Variants in CENPS observed in about 807,000 individuals in gnomAD.
The protein encoded by CENPS is centromere protein S.
In CENPS, 16 loss-of-function variants were observed where a neutral mutation model predicts 17.9. The observed-to-expected ratio is 0.90, with a 90% CI of 0.61 to 1.36. The LOEUF (loss-of-function observed/expected upper bound fraction) is 1.36. CENPS is among the 40% of genes most tolerant of loss of function. CENPS has a pLI of 0.00. For synonymous variants in CENPS, 49 were observed against 55.8 expected (o/e 0.88, Z 0.54); for missense variants, 160 against 158.6 (o/e 1.01, Z -0.05).
chr1:10,435,304 C>T (rs746725360), intron 3 of CENPS, among the ~76,000 whole-genome samples: 13 of 152,118 alleles, frequency 8.5e-5, no homozygotes, highest in South Asian at 2.1e-4. Flanking sequence ...ATTTGAATGA[C>T]GAAGGCCTGA....
chr1:10,442,620 T>A lies in CENPS; in HGVS notation c.*215T>A. The stretch of plus-strand genomic sequence containing the variant: ...AAGTCTTAAGCAAAATACTCCCAGG[T>A]CTCACTCCAGAACATAAAAATGGTG... On this transcript the variant is annotated 3_prime_UTR_variant, in exon 5 of 5. Transcript: ENST00000309048. 8 of 701,270 alleles carry A rather than the reference T, an allele frequency of 1.1e-5. No homozygotes were observed. The highest frequency in any genetic ancestry group is 1.6e-5 in the Non-Finnish European group (8 of 504,114). 43.4% of individuals were successfully genotyped at this position (701,270 alleles called of 1,614,324 possible). A position where few individuals can be genotyped will look rare whatever the true frequency, so the allele number is the denominator to read the frequency against.
intron 3 of CENPS, among the ~76,000 whole-genome samples, chr1:10,437,227 C>T: frequency 6.6e-6 from 1 of 152,062 alleles, no homozygotes; most frequent in Non-Finnish European, 1.5e-5. Flanking sequence ...AGGATCATAG[C>T]TCACTGCAAC....
chr1:10,442,120 C>T, intron 4 of CENPS, 145 bp from the exon 5 acceptor site: 2 of 1,101,176 alleles, frequency 1.8e-6, no homozygotes, highest in African/African-American at 3.3e-5. Flanking sequence ...GCGTTTAATT[C>T]TTAGAAATGT....
At chr1:10,431,859 A>G (rs2124245293) in intron 1 of CENPS, among the ~76,000 whole-genome samples, 1 of 151,542 alleles carries the variant, frequency 6.6e-6, no homozygotes, top group African/African-American at 2.4e-5. Context: ...ATCTCAGAAA[A>G]AAAAAAAAAA....
chr1:10,442,091 GAA>G (rs58692231), intron 4 of CENPS, among the ~76,000 whole-genome samples, 172 bp from the exon 5 acceptor site: 2 of 150,480 alleles, frequency 1.3e-5, no homozygotes, highest in Non-Finnish European at 3.0e-5. Context: ...TAAAAAAAAA[GAA>G]AAAAAAAATT....
chr1:10,436,204 C>T (rs1640149544), intron 3 of CENPS, among the ~76,000 whole-genome samples: 1 of 151,384 alleles, frequency 6.6e-6, no homozygotes, highest in Non-Finnish European at 1.5e-5. Flanking sequence ...TCTTGAACTC[C>T]TGACCTCAAG....
At chr1:10,437,867 A>T (rs1433554963) in intron 3 of CENPS, among the ~76,000 whole-genome samples, 1 of 147,526 alleles carries the variant, frequency 6.8e-6, no homozygotes, top group Non-Finnish European at 1.5e-5. Flanking sequence ...GATTCAAGTG[A>T]TTCTCCTGCC....
At chr1:10,437,445 G>GT (rs371622694) in intron 3 of CENPS, among the ~76,000 whole-genome samples, 15,083 of 132,536 alleles carry the variant, frequency 0.11, 946 homozygotes, top group East Asian at 0.17. Context: ...AGCAGGGGCT[G>GT]TTTTTTTTTT....
At position 10,431,290 on chromosome 1, in the gene CENPS, A is replaced by G. The variant is rs550462344; in HGVS notation, c.51+722A>G. 2.7e-5 allele frequency: 41 copies of G among 1,535,072 alleles called. No homozygotes were observed. In the East Asian group the frequency reaches 4.4e-4, roughly 16 times the overall value. ...GAGGACGGACTGAAGAAACGCGGGA[A>G]TGAGCTCCAGACGCGGGAGTTTCCT... On this transcript the variant is annotated intron_variant, in intron 1 of 4. Transcript: ENST00000309048.
intron 3 of CENPS, among the ~76,000 whole-genome samples, chr1:10,437,543 G>T (rs1392549205): frequency 3.3e-5 from 5 of 150,428 alleles, no homozygotes; most frequent in African/African-American, 4.9e-5. Flanking sequence ...CGCAACCTTT[G>T]CCTCCTGGGT....
chr1:10,436,983 G>T (rs1640193472), intron 3 of CENPS, among the ~76,000 whole-genome samples: 1 of 152,152 alleles, frequency 6.6e-6, no homozygotes, highest in Non-Finnish European at 1.5e-5. Context: ...TTATCTTGTG[G>T]ATTTGAGTTG....
At chr1:10,440,190 T>G in intron 3 of CENPS, 157 bp from the exon 4 acceptor site, 1 of 968,724 alleles carries the variant, frequency 1.0e-6, no homozygotes, top group Non-Finnish European at 1.5e-6. Flanking sequence ...GGAACTTCAC[T>G]AATTTTTGTG....
chr1:10,433,352 G>A (rs1410049565), intron 1 of CENPS, among the ~76,000 whole-genome samples: 2 of 152,192 alleles, frequency 1.3e-5, no homozygotes, highest in African/African-American at 4.8e-5. Flanking sequence ...TTCCCGTGTT[G>A]TACTTCTGTC....
chr1:10,431,493 T>A, intron 1 of CENPS: 2 of 1,385,904 alleles, frequency 1.4e-6, no homozygotes, highest in Non-Finnish European at 2.0e-6. Context: ...GCCCCGCGAT[T>A]GGAGAATTAA....
At chr1:10,431,535 T>A (rs1317749683) in intron 1 of CENPS, 1 of 1,171,858 alleles carries the variant, frequency 8.5e-7, no homozygotes, top group Non-Finnish European at 1.2e-6. Context: ...GCCTTTACAT[T>A]TTAATTCTTT....
chr1:10,439,584 A>G (rs1640319314), intron 3 of CENPS, among the ~76,000 whole-genome samples: 1 of 152,070 alleles, frequency 6.6e-6, no homozygotes, highest in East Asian at 1.9e-4. Flanking sequence ...TACTAAAAAT[A>G]CAAAAAAATT....
At chr1:10,436,478 G>T (rs1640164169) in intron 3 of CENPS, among the ~76,000 whole-genome samples, 1 of 150,470 alleles carries the variant, frequency 6.6e-6, no homozygotes, top group Non-Finnish European at 1.5e-5. Flanking sequence ...GAGGCGGGTG[G>T]ATCACCTGAG....
chr1:10,438,981 A>G (rs1570048809), intron 3 of CENPS, among the ~76,000 whole-genome samples: 1 of 151,502 alleles, frequency 6.6e-6, no homozygotes, highest in Non-Finnish European at 1.5e-5. Flanking sequence ...GGCTGCTTTT[A>G]TGTCACCTCT....
At chr1:10,436,423 C>T (rs1570038672) in intron 3 of CENPS, among the ~76,000 whole-genome samples, 1 of 150,880 alleles carries the variant, frequency 6.6e-6, no homozygotes, top group South Asian at 2.1e-4. Flanking sequence ...TTGTGGAGGC[C>T]GGGCGCCGTG....
Sources: gnomAD v4.1 joint callset for allele counts (sites outside exome capture counted in the v4.1 genomes callset) on GRCh38, gnomAD v4.1.1 for gene constraint, MANE v1.5 for transcripts, NCBI Gene and HGNC (gene_info 2026-07-23, HGNC 2026-07-21) for gene names.